MAML2: variants seen among roughly 807,000 people sequenced by gnomAD.
MAML2 encodes the protein mastermind like transcriptional coactivator 2, also known as mastermind-like protein 2.
MAML2 carries 22 observed loss-of-function variants against 96.1 expected under a neutral mutation model. That is an observed-to-expected ratio of 0.23 (90% confidence interval 0.16 to 0.33). MAML2 has a LOEUF of 0.33. Among genes scored for constraint, MAML2 ranks in the 10% least tolerant of loss-of-function variants. MAML2 has a pLI of 1.00. For missense variants in MAML2, 1,367 were observed against 1,392.4 expected (o/e 0.98, Z 0.29); for synonymous variants, 561 against 521.3 (o/e 1.08, Z -1.04).
intron 1 of MAML2, among the ~76,000 whole-genome samples, chr11:96,118,613 T>TTTG (rs1228226165): frequency 2.6e-5 from 4 of 152,168 alleles, no homozygotes; most frequent in African/African-American, 9.7e-5. Flanking sequence ...TCAATAAATG[T>TTTG]TTGTTGAACT....
chr11:95,988,147 G>A (rs1324108829), intron 3 of MAML2, among the ~76,000 whole-genome samples: 1 of 151,076 alleles, frequency 6.6e-6, no homozygotes, highest in Non-Finnish European at 1.5e-5. Flanking sequence ...GTGTGTGTAT[G>A]TGTGAGAGTG....
chr11:96,336,616 G>T (rs910175678), intron 1 of MAML2, among the ~76,000 whole-genome samples: 1 of 152,192 alleles, frequency 6.6e-6, no homozygotes, highest in Non-Finnish European at 1.5e-5. Flanking sequence ...GAAAGCAGTA[G>T]AATCCATTCA....
chr11:96,192,028 G>A (rs971912416), intron 1 of MAML2, among the ~76,000 whole-genome samples: 3 of 152,178 alleles, frequency 2.0e-5, no homozygotes, highest in Non-Finnish European at 2.9e-5. Flanking sequence ...AGTATACAAG[G>A]TATTTTCCCA....
At chr11:96,008,129 T>C (rs958714136) in intron 2 of MAML2, among the ~76,000 whole-genome samples, 1 of 152,176 alleles carries the variant, frequency 6.6e-6, no homozygotes, top group African/African-American at 2.4e-5. Context: ...TTCAATATAA[T>C]ATATAAACCT....
chr11:96,185,410 G>C (rs764433622), intron 1 of MAML2, among the ~76,000 whole-genome samples: 6 of 152,198 alleles, frequency 3.9e-5, no homozygotes, highest in Non-Finnish European at 5.9e-5. Context: ...ACAGGTGCTA[G>C]CATAGGAGGG....
intron 1 of MAML2, among the ~76,000 whole-genome samples, chr11:96,109,455 A>G (rs1358119214): frequency 1.3e-5 from 2 of 152,222 alleles, no homozygotes; most frequent in Non-Finnish European, 2.9e-5. Flanking sequence ...CTGAAGATGG[A>G]TGAGGTGTCA....
intron 1 of MAML2, among the ~76,000 whole-genome samples, chr11:96,270,865 G>A (rs1441307728): frequency 1.3e-5 from 2 of 152,186 alleles, no homozygotes; most frequent in Non-Finnish European, 2.9e-5. Context: ...ATTTGAGTCA[G>A]TGGATCGGGA....
intron 1 of MAML2, among the ~76,000 whole-genome samples, chr11:96,171,848 G>T (rs1400509248): frequency 6.6e-6 from 1 of 152,244 alleles, no homozygotes; most frequent in Non-Finnish European, 1.5e-5. Flanking sequence ...GAAGGCCCTT[G>T]CCTGCCACCT....
At position 96,182,957 on chromosome 11, in the gene MAML2, CTTT is replaced by C. The variant is rs11301035; in HGVS notation, c.514-89443_514-89441del. Among the ~76,000 whole-genome samples the C allele has an allele frequency of 7.9e-3, 858 of 108,244 alleles. 5 individuals are homozygous for C. The highest frequency in any genetic ancestry group is 0.024 in the African/African-American group (726 of 29,784). The allele number at this position is 108,244 out of a possible 152,430, so 71.0% of individuals were successfully genotyped here. The stretch of plus-strand genomic sequence containing the variant: ...CTTCTTCTTGGACATCCTTTCTTTT[CTTT>C]TTTTTTTTTTTTTTTTGAGACAGAG... On this transcript the variant is annotated intron_variant, in intron 1 of 4. Transcript: ENST00000524717.
intron 1 of MAML2, among the ~76,000 whole-genome samples, chr11:96,326,695 G>A (rs988536643): frequency 1.3e-5 from 2 of 151,862 alleles, no homozygotes; most frequent in Non-Finnish European, 1.5e-5. Context: ...AGCTACTCGG[G>A]AGGCTGAGGC....
At chr11:96,244,541 A>G (rs1346444199) in intron 1 of MAML2, among the ~76,000 whole-genome samples, 1 of 152,240 alleles carries the variant, frequency 6.6e-6, no homozygotes, top group African/African-American at 2.4e-5. Flanking sequence ...GGTTATAGCC[A>G]TATATATCGA....
At position 96,342,995 on chromosome 11, in the gene MAML2, T is replaced by C. The variant is rs567318869; in HGVS notation, c.-1100A>G. 192 of 389,536 alleles carry C rather than the reference T, an allele frequency of 4.9e-4. No homozygotes were observed. The highest frequency in any genetic ancestry group is 3.6e-3 in the African/African-American group (173 of 48,566). The allele number at this position is 389,536 out of a possible 1,614,324, so 24.1% of individuals were successfully genotyped here. A position where few individuals can be genotyped will look rare whatever the true frequency, so the allele number is the denominator to read the frequency against. On this transcript the variant is annotated 5_prime_UTR_variant, in exon 1 of 5. Transcript: ENST00000524717. ...CATCCCCGGCCAGTGGATCTGAGGG[T>C]CTGGACTCGCAATAAGCAATCTGGT...
At chr11:96,075,881 T>C (rs1054530326) in intron 2 of MAML2, among the ~76,000 whole-genome samples, 6 of 152,228 alleles carry the variant, frequency 3.9e-5, no homozygotes, top group African/African-American at 1.2e-4. Flanking sequence ...GATAGCGCCT[T>C]GCATATTGAT....
In MAML2 at chr11:96,147,704, T is replaced by C. The variant is rs190882704; in HGVS notation, c.514-54187A>G. On this transcript the variant is annotated intron_variant, in intron 1 of 4. Transcript: ENST00000524717. The stretch of plus-strand genomic sequence containing the variant: ...TGGCTAAAACCCTTCTTGGGCAAAT[T>C]TTGCACCAAAGTAAACTGGTTATAA... Among the ~76,000 whole-genome samples, 481 of 152,358 alleles carry C rather than the reference T, an allele frequency of 3.2e-3. 2 individuals carry two copies. The highest frequency in any genetic ancestry group is 0.01 in the Middle Eastern group (3 of 294).
chr11:96,114,749 C>G (rs1461844453), intron 1 of MAML2, among the ~76,000 whole-genome samples: 1 of 152,204 alleles, frequency 6.6e-6, no homozygotes, highest in Non-Finnish European at 1.5e-5. Flanking sequence ...TTGAGGGCCC[C>G]ACATAGGTGT....
intron 1 of MAML2, among the ~76,000 whole-genome samples, chr11:96,291,034 A>G (rs1194989047): frequency 2.7e-5 from 4 of 150,830 alleles, no homozygotes; most frequent in African/African-American, 9.8e-5. Context: ...CTTGAAAAAA[A>G]GTTGGTAAAT....
intron 1 of MAML2, among the ~76,000 whole-genome samples, chr11:96,146,722 G>C (rs1046688259): frequency 1.3e-5 from 2 of 152,204 alleles, no homozygotes; most frequent in Non-Finnish European, 2.9e-5. Flanking sequence ...ACAGCAGTGA[G>C]GCAGGATTGT....
At chr11:95,988,816 T>C (rs145735703) in intron 3 of MAML2, among the ~76,000 whole-genome samples, 2 of 152,198 alleles carry the variant, frequency 1.3e-5, no homozygotes, top group East Asian at 3.9e-4. Flanking sequence ...ATATAGGCCA[T>C]TCTTGAGAAT....
chr11:96,120,215 C>T (rs1460046055), intron 1 of MAML2, among the ~76,000 whole-genome samples: 2 of 152,126 alleles, frequency 1.3e-5, no homozygotes, highest in African/African-American at 4.8e-5. Context: ...CCTCGGCCTC[C>T]CAAAGTGCTG....
Sources: gnomAD v4.1 joint callset for allele counts (sites outside exome capture counted in the v4.1 genomes callset) on GRCh38, gnomAD v4.1.1 for gene constraint, MANE v1.5 for transcripts, NCBI Gene and HGNC (gene_info 2026-07-23, HGNC 2026-07-21) for gene names.